Variants in SLC2A9 observed in about 807,000 individuals in gnomAD.
The protein encoded by SLC2A9 is solute carrier family 2 member 9.
A neutral mutation model predicts 50.6 loss-of-function variants in SLC2A9; 39 were observed. The ratio of observed to expected loss-of-function variants is 0.77; its 90% confidence interval spans 0.60 to 1.01. The LOEUF (loss-of-function observed/expected upper bound fraction) is 1.01, where lower values mean the gene tolerates loss of function less well. Among genes scored for constraint, SLC2A9 ranks in the 50% least tolerant of loss-of-function variants. The pLI, the probability that SLC2A9 is intolerant of heterozygous loss-of-function variation, is 0.00. For missense variants in SLC2A9, 686 were observed against 677.6 expected (o/e 1.01, Z -0.14); for synonymous variants, 324 against 276.9 (o/e 1.17, Z -1.69).
chr4:9,943,141 G>A lies in SLC2A9; in HGVS notation c.682-1096C>T, dbSNP rs182592473. On this transcript the variant is annotated intron_variant, in intron 5 of 11. Coordinates refer to ENST00000264784, the MANE Select transcript of SLC2A9 (RefSeq NM_020041.3). ...TCCCTCTGCTGCTCTCCCAAGACTC[G>A]CTCCCTACTGAGGTCCATGGTAACA... 2.6e-3 allele frequency among the ~76,000 whole-genome samples: 397 copies of A among 152,210 alleles called. 6 individuals carry two copies. Among genetic ancestry groups the A allele is most frequent in the African/African-American group, 9.1e-3 (380 of 41,540 alleles).
Position 9,834,920 on chromosome 4 carries a change from G to A in SLC2A9, c.1380C>T (p.Leu460=), listed in dbSNP as rs1342835009. The A allele has an allele frequency of 1.2e-6, 2 of 1,614,168 alleles. No individual in the cohort carries two copies. Residue 460 remains leucine, a synonymous_variant, in exon 11 of 12, where the codon CTC becomes CTT. Coordinates refer to ENST00000264784, the MANE Select transcript of SLC2A9 (RefSeq NM_020041.3). The part of the protein sequence containing the change: ...AFIIAGTVNW[L]SNFAVGLLFP... ...AGAGGAGCCCAACAGCAAAGTTGGA[G>A]AGCCAGTTGACGGTGCCTGCAATGA... is the stretch of plus-strand genomic sequence containing the variant.
At chr4:9,827,814 G>A (rs1161925981) in intron 11 of SLC2A9, among the ~76,000 whole-genome samples, 1 of 152,190 alleles carries the variant, frequency 6.6e-6, no homozygotes, top group Non-Finnish European at 1.5e-5. Flanking sequence ...AAGGGGGAGA[G>A]TATGGGCTCT....
chr4:9,939,182 G>A (rs5028843), intron 6 of SLC2A9, among the ~76,000 whole-genome samples: 49,227 of 152,020 alleles, frequency 0.32, 9,271 homozygotes, highest in African/African-American at 0.51. Context: ...GGGATGAGGT[G>A]CATTGAACAG....
intron 6 of SLC2A9, among the ~76,000 whole-genome samples, chr4:9,921,379 C>T (rs537000094): frequency 3.9e-5 from 6 of 152,242 alleles, no homozygotes; most frequent in African/African-American, 1.4e-4. Flanking sequence ...GATTAGATCC[C>T]GGAAAGCACA....
At chr4:9,864,262 C>G (rs988166488) in intron 10 of SLC2A9, among the ~76,000 whole-genome samples, 1 of 150,622 alleles carries the variant, frequency 6.6e-6, no homozygotes, top group Non-Finnish European at 1.5e-5. Flanking sequence ...GATGCCCTCT[C>G]AGAACCAGTT....
At chr4:9,913,040 A>G (rs2110025437) in intron 7 of SLC2A9, among the ~76,000 whole-genome samples, 1 of 152,336 alleles carries the variant, frequency 6.6e-6, no homozygotes, top group South Asian at 2.1e-4. Flanking sequence ...GGTGCCATCT[A>G]GAAGTTGGGA....
At chr4:10,031,803 C>T (rs2109591951) in intron 1 of SLC2A9, among the ~76,000 whole-genome samples, 1 of 152,314 alleles carries the variant, frequency 6.6e-6, no homozygotes, top group South Asian at 2.1e-4. Flanking sequence ...AGACTGACCC[C>T]ATTCTTGATC....
intron 10 of SLC2A9, among the ~76,000 whole-genome samples, chr4:9,847,251 C>T (rs1729130674): frequency 6.6e-6 from 1 of 152,192 alleles, no homozygotes; most frequent in African/African-American, 2.4e-5. Context: ...AACTTATGAT[C>T]ATGGTGGAAA....
At chr4:9,884,885 T>C (rs1269183243) in intron 10 of SLC2A9, among the ~76,000 whole-genome samples, 1 of 152,142 alleles carries the variant, frequency 6.6e-6, no homozygotes, top group Admixed American at 6.5e-5. Context: ...TGGATGGAGC[T>C]GGAAGCCATT....
At chr4:9,865,695 C>A (rs997207112) in intron 10 of SLC2A9, among the ~76,000 whole-genome samples, 1 of 152,202 alleles carries the variant, frequency 6.6e-6, no homozygotes. Context: ...GGAGGTGTAG[C>A]CTGTGTCTGA....
intron 3 of SLC2A9, among the ~76,000 whole-genome samples, chr4:9,805,841 A>G (rs1409821173): frequency 1.3e-5 from 2 of 152,170 alleles, no homozygotes; most frequent in African/African-American, 2.4e-5. Context: ...GCACTGTTCT[A>G]GGGGTTTTCC....
At chr4:10,018,908 GC>G in intron 2 of SLC2A9, 66 bp downstream of exon 2, 1 of 1,465,058 alleles carries the variant, frequency 6.8e-7, no homozygotes, top group Non-Finnish European at 9.3e-7. Context: ...GGAGCCCAGG[GC>G]CCTTGCGCAC....
Position 9,908,348 on chromosome 4 carries a change from G to A in SLC2A9, c.1003-3C>T, listed in dbSNP as rs1329795404. 1 of 1,583,004 alleles carries A rather than the reference G, an allele frequency of 6.3e-7. No homozygotes were observed. The highest frequency in any genetic ancestry group is 1.3e-5 in the African/African-American group (1 of 74,602). On this transcript the variant is annotated splice_polypyrimidine_tract_variant and splice_region_variant and intron_variant, in intron 7 of 11. Transcript: ENST00000264784. ...ATGCTGTTGGTATAGAACCAAATCT[G>A]TAATTCAGGAAAGAATGAGCAGAGA...
intron 1 of SLC2A9, among the ~76,000 whole-genome samples, chr4:9,773,058 T>C (rs1176570319): frequency 3.9e-5 from 6 of 152,188 alleles, no homozygotes; most frequent in African/African-American, 1.4e-4. Context: ...TCTGCCTCTG[T>C]CTACAGAGTG....
In SLC2A9 at chr4:10,002,810, G is replaced by A. The variant is rs146037646; in HGVS notation, c.250-5869C>T. 1.6e-3 allele frequency among the ~76,000 whole-genome samples: 247 copies of A among 152,240 alleles called. 1 individual carries two copies. The highest frequency in any genetic ancestry group is 5.6e-3 in the African/African-American group (232 of 41,524). ...AGAGGTTGCAGGGAGCCAAGATTGCGCCACTGCACTCCAGCCTGGGGGACT... is the reference window on the plus strand; with the variant it reads ...AGAGGTTGCAGGGAGCCAAGATTGCACCACTGCACTCCAGCCTGGGGGACT... On this transcript the variant is annotated intron_variant, in intron 2 of 11. Transcript: ENST00000264784.
intron 6 of SLC2A9, among the ~76,000 whole-genome samples, chr4:9,925,222 A>G (rs1022353869): frequency 2.6e-5 from 4 of 152,188 alleles, no homozygotes; most frequent in Admixed American, 2.6e-4. Context: ...TGCCTAGGAC[A>G]TCCTTTTCCG....
At chr4:10,022,739 A>G (rs1251291910), upstream of SLC2A9, among the ~76,000 whole-genome samples, 2 of 152,222 alleles carry the variant, frequency 1.3e-5, no homozygotes, top group African/African-American at 4.8e-5. Flanking sequence ...GGTGTGGAGT[A>G]CGGCAGACAT....
At chr4:9,830,204 T>A (rs1426809780) in intron 11 of SLC2A9, among the ~76,000 whole-genome samples, 1 of 152,156 alleles carries the variant, frequency 6.6e-6, no homozygotes, top group Non-Finnish European at 1.5e-5. Flanking sequence ...TGAGATCAAG[T>A]CCTTTGCAGT....
chr4:9,821,315 A>C (rs1724366458), downstream of SLC2A9, among the ~76,000 whole-genome samples: 1 of 152,228 alleles, frequency 6.6e-6, no homozygotes, highest in Non-Finnish European at 1.5e-5. Flanking sequence ...TGTTGATTTA[A>C]CTTGCTAATA....
Sources: allele counts gnomAD v4.1 joint callset (sites outside exome capture counted in the v4.1 genomes callset), GRCh38; gene constraint gnomAD v4.1.1; transcripts MANE v1.5; gene names NCBI Gene and HGNC (gene_info 2026-07-23, HGNC 2026-07-21).